The following ERC2 variants were observed in gnomAD, a reference collection of about 807,000 sequenced individuals.
The protein encoded by ERC2 is ELKS/RAB6-interacting/CAST family member 2.
ERC2 carries 42 observed loss-of-function variants against 114.8 expected under a neutral mutation model. The observed-to-expected ratio is 0.37, with a 90% CI of 0.29 to 0.47. ERC2 has a LOEUF of 0.47. Among genes scored for constraint, ERC2 ranks in the 20% least tolerant of loss-of-function variants. ERC2 has a pLI of 0.99. For missense variants in ERC2, 939 were observed against 1,150.7 expected (o/e 0.82, Z 2.66); for synonymous variants, 454 against 425.5 (o/e 1.07, Z -0.82).
At chr3:56,381,210 G>A (rs999598897) in intron 2 of ERC2, among the ~76,000 whole-genome samples, 4 of 152,092 alleles carry the variant, frequency 2.6e-5, no homozygotes, top group African/African-American at 9.7e-5. Flanking sequence ...TAACTTCATT[G>A]TCAATATTTT....
At chr3:55,977,911 T>G (rs1241416763) in intron 12 of ERC2, among the ~76,000 whole-genome samples, 1 of 152,100 alleles carries the variant, frequency 6.6e-6, no homozygotes, top group African/African-American at 2.4e-5. Context: ...TGGGAAGATC[T>G]CCAAAATAGT....
At chr3:55,886,786 G>A (rs1185950818) in intron 14 of ERC2, among the ~76,000 whole-genome samples, 1 of 152,162 alleles carries the variant, frequency 6.6e-6, no homozygotes, top group African/African-American at 2.4e-5. Context: ...TATATGCTGT[G>A]CTTATAAACA....
intron 6 of ERC2, among the ~76,000 whole-genome samples, 176 bp from the exon 7 acceptor site, chr3:56,081,160 C>G (rs9881968): frequency 0.2 from 30,076 of 151,468 alleles, 3,351 homozygotes; most frequent in African/African-American, 0.3. Flanking sequence ...CTTCTTAAAG[C>G]CCTATTGTGT....
chr3:56,175,573 C>T (rs935848324), intron 3 of ERC2, among the ~76,000 whole-genome samples: 2 of 152,108 alleles, frequency 1.3e-5, no homozygotes, highest in South Asian at 2.1e-4. Context: ...CGCTGCTTGT[C>T]TCATTCAAGC....
chr3:55,647,983 G>A (rs1329442871), intron 17 of ERC2, among the ~76,000 whole-genome samples: 3 of 152,172 alleles, frequency 2.0e-5, no homozygotes, highest in Non-Finnish European at 2.9e-5. Flanking sequence ...TGCATGCCCC[G>A]CAATAGGGTA....
chr3:56,383,312 C>T (rs1560716969), intron 2 of ERC2, among the ~76,000 whole-genome samples: 1 of 152,130 alleles, frequency 6.6e-6, no homozygotes, highest in African/African-American at 2.4e-5. Context: ...AAACCCAGGT[C>T]GCTAAAATGG....
At chr3:55,955,190 G>T (rs772639838) in intron 12 of ERC2, 1 of 514,414 alleles carries the variant, frequency 1.9e-6, no homozygotes, top group Non-Finnish European at 3.9e-6. Context: ...CATGACTGAA[G>T]AAGGGAATAG....
At chr3:55,729,932 G>T (rs2065154558) in intron 15 of ERC2, among the ~76,000 whole-genome samples, 1 of 147,430 alleles carries the variant, frequency 6.8e-6, no homozygotes, top group African/African-American at 2.5e-5. Flanking sequence ...GCCTAGCACT[G>T]TAACACAGAG....
At chr3:56,460,032 C>A (rs1435144042) in intron 1 of ERC2, among the ~76,000 whole-genome samples, 1 of 152,186 alleles carries the variant, frequency 6.6e-6, no homozygotes, top group African/African-American at 2.4e-5. Flanking sequence ...AATTGGCCAG[C>A]CAAGTGCTGA....
intron 12 of ERC2, among the ~76,000 whole-genome samples, chr3:55,973,389 G>A (rs1169571537): frequency 6.6e-6 from 1 of 152,234 alleles, no homozygotes; most frequent in Non-Finnish European, 1.5e-5. Flanking sequence ...GTGGGAGGAT[G>A]AGTGAAAGAA....
At chr3:56,168,660 C>T (rs752189162) in intron 4 of ERC2, among the ~76,000 whole-genome samples, 5 of 152,154 alleles carry the variant, frequency 3.3e-5, no homozygotes, top group Admixed American at 1.3e-4. Context: ...TTCTTGACTT[C>T]ACAGTGTTCC....
chr3:55,531,381 T>G (rs1360820969), intron 17 of ERC2, among the ~76,000 whole-genome samples: 1 of 152,142 alleles, frequency 6.6e-6, no homozygotes, highest in Non-Finnish European at 1.5e-5. Context: ...TGGGAGTAAC[T>G]TCTAGGAAAA....
intron 17 of ERC2, among the ~76,000 whole-genome samples, chr3:55,565,629 TA>T (rs1559663143): frequency 1.3e-5 from 2 of 151,556 alleles, no homozygotes; most frequent in African/African-American, 2.4e-5. Context: ...TTAAACATCA[TA>T]AAAAAAATGT....
intron 2 of ERC2, among the ~76,000 whole-genome samples, chr3:56,326,992 G>A (rs1438113680): frequency 1.3e-5 from 2 of 152,188 alleles, no homozygotes; most frequent in Non-Finnish European, 2.9e-5. Flanking sequence ...CTTTCCCACA[G>A]ATGTTCCATG....
intron 2 of ERC2, among the ~76,000 whole-genome samples, chr3:56,409,713 C>T (rs1336144836): frequency 1.3e-5 from 2 of 152,172 alleles, no homozygotes; most frequent in African/African-American, 4.8e-5. Flanking sequence ...AAAACTCTTA[C>T]CACTACAGCC....
chr3:55,680,872 G>A (rs1242772383), intron 17 of ERC2, among the ~76,000 whole-genome samples: 1 of 152,238 alleles, frequency 6.6e-6, no homozygotes. Context: ...TATGTTTGGT[G>A]TAGGCAGCAT....
At chr3:56,283,996 A>C (rs1426931206) in intron 3 of ERC2, among the ~76,000 whole-genome samples, 1 of 152,240 alleles carries the variant, frequency 6.6e-6, no homozygotes, top group Admixed American at 6.5e-5. Flanking sequence ...TCTGCAAAAA[A>C]AGAACTCTGC....
intron 6 of ERC2, among the ~76,000 whole-genome samples, chr3:56,112,358 A>G (rs2079005217): frequency 6.6e-6 from 1 of 152,040 alleles, no homozygotes; most frequent in African/African-American, 2.4e-5. Context: ...CTTTTAAGTC[A>G]TATTTAATTA....
chr3:55,631,748 ATG>A (rs1257158736), intron 17 of ERC2, among the ~76,000 whole-genome samples: 1 of 98,908 alleles, frequency 1.0e-5, no homozygotes, highest in African/African-American at 2.9e-5. Flanking sequence ...CTGGATAAAG[ATG>A]TGGGGATTTT....
Sources: allele counts gnomAD v4.1 joint callset (sites outside exome capture counted in the v4.1 genomes callset), GRCh38; gene constraint gnomAD v4.1.1; transcripts MANE v1.5; gene names NCBI Gene and HGNC (gene_info 2026-07-23, HGNC 2026-07-21).